The following KDM1A variants were observed in gnomAD, a reference collection of about 807,000 sequenced individuals.
The protein encoded by KDM1A is lysine demethylase 1A, also known as lysine-specific histone demethylase 1A.
KDM1A carries 49 observed loss-of-function variants against 109.4 expected under a neutral mutation model. The observed-to-expected ratio is 0.45, with a 90% CI of 0.36 to 0.57. KDM1A has a LOEUF of 0.57. KDM1A is among the 20% of genes least tolerant of loss of function. The pLI is 0.00. For missense variants in KDM1A, 668 were observed against 1,116.6 expected (o/e 0.60, Z 5.73); for synonymous variants, 380 against 415.4 (o/e 0.91, Z 1.04).
intron 10 of KDM1A, among the ~76,000 whole-genome samples, chr1:23,066,925 G>A (rs1451113561): frequency 6.6e-6 from 1 of 152,206 alleles, no homozygotes; most frequent in Non-Finnish European, 1.5e-5. Context: ...CATCAGTGAG[G>A]AAAAGTAGCT....
At chr1:23,072,050 T>A (rs568688133) in intron 13 of KDM1A, 74 bp from the exon 14 acceptor site, 6 of 882,252 alleles carry the variant, frequency 6.8e-6, no homozygotes, top group Non-Finnish European at 1.1e-5. Flanking sequence ...CCAGACCTTA[T>A]ACTTTGTGGT....
chr1:23,022,192 A>G (rs1641653233), intron 1 of KDM1A, among the ~76,000 whole-genome samples: 1 of 152,158 alleles, frequency 6.6e-6, no homozygotes, highest in African/African-American at 2.4e-5. Flanking sequence ...GGGCCTAGGA[A>G]TTCCTGGGTT....
rs1641554318 is a variant in KDM1A, at chr1:23,019,776, C to T, written c.180C>T (p.Pro60=). 1 of 1,375,314 alleles carries T rather than the reference C, an allele frequency of 7.3e-7. No individual in the cohort carries two copies. Among genetic ancestry groups the T allele is most frequent in the Non-Finnish European group, 9.4e-7 (1 of 1,063,670 alleles). 85.2% of individuals were successfully genotyped at this position (1,375,314 alleles called of 1,614,324 possible). A position where few individuals can be genotyped will look rare whatever the true frequency, so the allele number is the denominator to read the frequency against. ...CGGGGGCGGTGGGGGAGCGCACACC[C>T]CGCAAGAAAGAGCCTCCGCGGGCCT... ...VGPGAVGERT[P]RKKEPPRASP... is the part of the protein sequence containing the mutation. Residue 60 remains proline (P), a synonymous_variant, in exon 1 of 21, where the codon CCC becomes CCT. Coordinates refer to ENST00000400181, the MANE Select transcript of KDM1A (RefSeq NM_001009999.3).
At chr1:23,047,668 G>A (rs532450783) in intron 3 of KDM1A, among the ~76,000 whole-genome samples, 5 of 152,122 alleles carry the variant, frequency 3.3e-5, no homozygotes, top group African/African-American at 4.8e-5. Flanking sequence ...TTGGGAGGCC[G>A]AGATGGTGTA....
At chr1:23,060,594 G>A (rs1642971333) in intron 9 of KDM1A, among the ~76,000 whole-genome samples, 2 of 152,160 alleles carry the variant, frequency 1.3e-5, no homozygotes, top group African/African-American at 2.4e-5. Flanking sequence ...GGGAAGGAGA[G>A]CATTTGTAAA....
At chr1:23,050,024 C>G (rs1339395580) in intron 3 of KDM1A, among the ~76,000 whole-genome samples, 1 of 152,182 alleles carries the variant, frequency 6.6e-6, no homozygotes, top group Non-Finnish European at 1.5e-5. Flanking sequence ...TCCACAGCTT[C>G]TTTTGCTTTC....
chr1:23,059,331 C>G, intron 9 of KDM1A, 164 bp downstream of exon 9: 1 of 707,900 alleles, frequency 1.4e-6, no homozygotes, highest in Non-Finnish European at 2.6e-6. Context: ...TGTTTCTTAA[C>G]TCTTGAGCTA....
intron 3 of KDM1A, 97 bp from the exon 4 acceptor site, chr1:23,050,290 G>A (rs2124451290): frequency 7.8e-7 from 1 of 1,277,398 alleles, no homozygotes; most frequent in Non-Finnish European, 1.0e-6. Context: ...TTTTAAAAAG[G>A]TCAGTCTGTG....
chr1:23,083,385 A>G lies in KDM1A; in HGVS notation c.*21A>G, dbSNP rs1282856780. ...TGTGAGACAGATGCATTCTAAGGGA[A>G]GAGGCCCATGTGCCTGTTTCTGCCA... On this transcript the variant is annotated 3_prime_UTR_variant, in exon 21 of 21. Transcript: ENST00000400181. 1 of 1,597,596 alleles carries G rather than the reference A, an allele frequency of 6.3e-7. No homozygotes were observed. The highest frequency in any genetic ancestry group is 1.1e-5 in the South Asian group (1 of 89,568).
intron 5 of KDM1A, among the ~76,000 whole-genome samples, chr1:23,054,375 TAGTG>T (rs1270651283): frequency 6.6e-6 from 1 of 152,126 alleles, no homozygotes; most frequent in Non-Finnish European, 1.5e-5. Flanking sequence ...CTGGGCAACA[TAGTG>T]AGACCCCTAT....
chr1:23,023,213 T>G (rs747055059), intron 1 of KDM1A, among the ~76,000 whole-genome samples: 1 of 152,212 alleles, frequency 6.6e-6, no homozygotes, highest in Non-Finnish European at 1.5e-5. Flanking sequence ...TTACGGAAAT[T>G]TGTGATTTTG....
At chr1:23,040,404 A>C (rs1293857307) in intron 2 of KDM1A, among the ~76,000 whole-genome samples, 2 of 152,220 alleles carry the variant, frequency 1.3e-5, no homozygotes, top group Non-Finnish European at 2.9e-5. Flanking sequence ...CTTAGATCTG[A>C]AGGTCTAGAA....
rs1426351417 is a variant in KDM1A, at chr1:23,047,109, A to G, written c.577+2623A>G. Among the ~76,000 whole-genome samples the G allele has an allele frequency of 5.3e-5, 8 of 152,192 alleles. No individual in the cohort carries two copies. The East Asian group carries it at 1.5e-3, about 29-fold the overall frequency. On this transcript the variant is annotated intron_variant, in intron 3 of 20. Coordinates refer to ENST00000400181, the MANE Select transcript of KDM1A (RefSeq NM_001009999.3). ...GTACTCATGAGTTAGATTATCCAAA[A>G]TGGTGTCTATTACTTCATTTTGGTA...
At chr1:23,029,306 A>G (rs1055672341) in intron 1 of KDM1A, among the ~76,000 whole-genome samples, 3 of 152,222 alleles carry the variant, frequency 2.0e-5, no homozygotes, top group Admixed American at 6.5e-5. Flanking sequence ...TCCACATCTA[A>G]TAAATTATCT....
intron 2 of KDM1A, among the ~76,000 whole-genome samples, chr1:23,040,072 C>T (rs1157499157): frequency 6.6e-6 from 1 of 152,194 alleles, no homozygotes; most frequent in Admixed American, 6.5e-5. Flanking sequence ...TTGGCCTTCA[C>T]TTTTATTCCA....
intron 10 of KDM1A, among the ~76,000 whole-genome samples, chr1:23,067,006 GC>G (rs1643177076): frequency 6.6e-6 from 1 of 152,164 alleles, no homozygotes; most frequent in South Asian, 2.1e-4. Context: ...ATAAGAACAA[GC>G]TCTTTTTTTG....
chr1:23,036,452 CCT>C (rs1193277951), intron 2 of KDM1A, among the ~76,000 whole-genome samples: 10 of 149,714 alleles, frequency 6.7e-5, no homozygotes, highest in South Asian at 4.4e-4. Flanking sequence ...ACGCCCCCCC[CCT>C]CCCCCGCCCC....
chr1:23,066,938 G>A (rs1643176047), intron 10 of KDM1A, among the ~76,000 whole-genome samples: 1 of 152,182 alleles, frequency 6.6e-6, no homozygotes, highest in Non-Finnish European at 1.5e-5. Context: ...AAGTAGCTGA[G>A]AAAGTAAATG....
chr1:23,049,536 T>C (rs1181981581), intron 3 of KDM1A, among the ~76,000 whole-genome samples: 1 of 151,734 alleles, frequency 6.6e-6, no homozygotes, highest in East Asian at 1.9e-4. Flanking sequence ...ATACAAAAAA[T>C]TAGCCAGGCA....
Sources: allele counts gnomAD v4.1 joint callset (sites outside exome capture counted in the v4.1 genomes callset), GRCh38; gene constraint gnomAD v4.1.1; transcripts MANE v1.5; gene names NCBI Gene and HGNC (gene_info 2026-07-23, HGNC 2026-07-21).